Variants in TCOF1 observed in about 807,000 individuals in gnomAD.
TCOF1 encodes treacle ribosome biogenesis factor 1.
TCOF1 carries 33 observed loss-of-function variants against 149.0 expected under a neutral mutation model. The ratio of observed to expected loss-of-function variants is 0.22; its 90% CI spans 0.17 to 0.30. The LOEUF is 0.30. TCOF1 is among the 10% of genes least tolerant of loss of function. The pLI, the probability that TCOF1 is intolerant of heterozygous loss-of-function variation, is 1.00. For synonymous variants in TCOF1, 789 were observed against 738.8 expected, an observed-to-expected ratio of 1.07 and a Z score of -1.10; for missense variants, 1,728 against 1,840.7, an observed-to-expected ratio of 0.94 and a Z score of 1.12.
chr5:150,379,145 C>G, intron 15 of TCOF1, 84 bp from the exon 16 acceptor site: 2 of 1,613,842 alleles, frequency 1.2e-6, no homozygotes, highest in African/African-American at 1.3e-5. Context: ...GGCAGGCCAC[C>G]CACCCAGAGT....
Position 150,375,182 on chromosome 5 carries a change from C to T in TCOF1, c.1488+19C>T. 1 of 1,612,998 alleles carries T rather than the reference C, an allele frequency of 6.2e-7. No individual in the cohort carries two copies. The highest frequency in any genetic ancestry group is 8.5e-7 in the Non-Finnish European group (1 of 1,179,536). Reference sequence around the variant, plus strand: ...AGCTCAGGTGAGGCTGGAAGCCGCCCTGCATGGCCTGTGCCCTGCCTCAAA... The same window carrying T: ...AGCTCAGGTGAGGCTGGAAGCCGCCTTGCATGGCCTGTGCCCTGCCTCAAA... On this transcript the variant is annotated intron_variant, in intron 10 of 26. Coordinates refer to ENST00000643257, the MANE Select transcript of TCOF1 (RefSeq NM_001371623.1).
chr5:150,397,475 C>T (rs575605021), intron 24 of TCOF1, among the ~76,000 whole-genome samples: 1 of 152,250 alleles, frequency 6.6e-6, no homozygotes, highest in East Asian at 1.9e-4. Context: ...TTCTAGACTC[C>T]GCATGCAGCA....
rs1252666667 is a variant in TCOF1 at position 150,398,434 on chromosome 5, A to G, written c.4426A>G (p.Lys1476Glu). The part of the protein sequence containing the change: ...STKDSESPSQ[K>E]KKKKKKKTAE... The stretch of plus-strand genomic sequence containing the variant: ...CAAAGATTCTGAGTCACCGTCCCAG[A>G]AGAAAAAGAAGAAAAAGGTAGAGAG... The change falls in exon 25 of 27, where the codon AAG (lysine) becomes GAG (glutamate). Residue 1476 changes from lysine (K) to glutamate (E), a missense_variant. Lys to Glu is a moderately conservative substitution (Grantham distance 56, BLOSUM62 1). This residue lies in a region of TCOF1 where 1,696 missense variants were observed against 1,765.4 expected (regional missense o/e 0.96). Coordinates refer to ENST00000643257, the MANE Select transcript of TCOF1 (RefSeq NM_001371623.1). The G allele has an allele frequency of 1.2e-6, 2 of 1,614,026 alleles. No individual in the cohort carries two copies. Among genetic ancestry groups the G allele is most frequent in the South Asian group, 1.1e-5 (1 of 91,086 alleles).
At chr5:150,385,162 A>C in intron 17 of TCOF1, 1 of 893,648 alleles carries the variant, frequency 1.1e-6, no homozygotes, top group Non-Finnish European at 1.3e-6. Flanking sequence ...ATGCAGTTTC[A>C]CTTGTCGGTA....
At position 150,396,561 on chromosome 5, in the gene TCOF1, C is replaced by G; in HGVS notation, c.4064C>G (p.Pro1355Arg). ...SRKRKLSGDQ[P>R]AARTPRSKKK... Reference sequence around the variant, plus strand: ...AAGCGGAAGCTATCGGGAGACCAGCCAGCTGCCAGGACCCCCAGGAGCAAG... The same window carrying G: ...AAGCGGAAGCTATCGGGAGACCAGCGAGCTGCCAGGACCCCCAGGAGCAAG... Residue 1355 changes from proline to arginine, a missense_variant, in exon 24 of 27, where the codon CCA becomes CGA. Coordinates refer to ENST00000643257, the MANE Select transcript of TCOF1 (RefSeq NM_001371623.1). 4 of 1,585,832 alleles carry G rather than the reference C, an allele frequency of 2.5e-6. No individual in the cohort carries two copies. The highest frequency in any genetic ancestry group is 3.4e-6 in the Non-Finnish European group (4 of 1,166,080).
rs1767603574 is a variant in TCOF1 at position 150,392,284 on chromosome 5, C to A, written c.3517+108C>A. The A allele has an allele frequency of 5.1e-6, 6 of 1,168,084 alleles. No homozygotes were observed. In the Admixed American group the frequency reaches 9.9e-5, roughly 19 times the overall value. 72.4% of individuals were successfully genotyped at this position (1,168,084 alleles called of 1,614,324 possible). A position where few individuals can be genotyped will look rare whatever the true frequency, so the allele number is the denominator to read the frequency against. On this transcript the variant is annotated intron_variant, in intron 21 of 26. Transcript: ENST00000643257. ...TCCATATCTCAGACTCATTCTGCACCTGTGGCTGAGCCTGGGCCTCAGTTT... is the reference window on the plus strand; with the variant it reads ...TCCATATCTCAGACTCATTCTGCACATGTGGCTGAGCCTGGGCCTCAGTTT...
Position 150,379,822 on chromosome 5 carries a change from A to T in TCOF1, c.2859+90A>T, listed in dbSNP as rs998691328. On this transcript the variant is annotated intron_variant, in intron 17 of 26. Transcript: ENST00000643257. ...CGTGGTGGCTCACACCTGTAATCCTAGCACTTTGGGAGGCCGAGGCAGATG... is the reference window on the plus strand; with the variant it reads ...CGTGGTGGCTCACACCTGTAATCCTTGCACTTTGGGAGGCCGAGGCAGATG... 1.6e-5 allele frequency: 24 copies of T among 1,510,206 alleles called. No individual in the cohort carries two copies. In the African/African-American group the frequency reaches 3.3e-4, roughly 21 times the overall value. The allele number at this position is 1,510,206 out of a possible 1,614,324, so 93.6% of individuals were successfully genotyped here. A position where few individuals can be genotyped will look rare whatever the true frequency, so the allele number is the denominator to read the frequency against.
At chr5:150,388,192 G>A in intron 18 of TCOF1, 104 bp downstream of exon 18, 2 of 1,497,166 alleles carry the variant, frequency 1.3e-6, no homozygotes, top group Non-Finnish European at 1.8e-6. Flanking sequence ...CAAGGTGTTG[G>A]TCGGGAGGGG....
rs1353081240 is a variant in TCOF1 at position 150,357,729 on chromosome 5, C to A, written c.-18C>A. ...AAGGCGGGGCGTGCAGGTAGCCGGC[C>A]GGCCGGGGGTCGCGGGTATGGCCGA... On this transcript the variant is annotated 5_prime_UTR_variant, in exon 1 of 27. Coordinates refer to ENST00000643257, the MANE Select transcript of TCOF1 (RefSeq NM_001371623.1). 2.6e-6 allele frequency: 4 copies of A among 1,545,744 alleles called. No homozygotes were observed. Among genetic ancestry groups the A allele is most frequent in the Non-Finnish European group, 3.5e-6 (4 of 1,145,164 alleles).
At chr5:150,371,445 C>T (rs1762500326) in intron 6 of TCOF1, among the ~76,000 whole-genome samples, 1 of 152,198 alleles carries the variant, frequency 6.6e-6, no homozygotes, top group Non-Finnish European at 1.5e-5. Flanking sequence ...GCCCCAGAAA[C>T]CCAGGGCCGC....
Position 150,368,718 on chromosome 5 carries a change from A to G in TCOF1, c.381A>G (p.Ala127=), listed in dbSNP as rs1298166614. The change falls in exon 5 of 27, where the codon GCA becomes GCG. Residue 127 remains alanine (A), a splice_region_variant and synonymous_variant. Coordinates refer to ENST00000643257, the MANE Select transcript of TCOF1 (RefSeq NM_001371623.1). The stretch of plus-strand genomic sequence containing the variant: ...TCTGTCACTCTTGTTCTCTGTAGGC[A>G]GAGACAGAGAAAGCTGGCAAGACTG... The part of the protein sequence containing the change: ...LPSSMKEKAK[A]ETEKAGKTGN... 12 of 1,613,876 alleles carry G rather than the reference A, an allele frequency of 7.4e-6. No homozygotes were observed. The highest frequency in any genetic ancestry group is 1.0e-5 in the Non-Finnish European group (12 of 1,179,990).
chr5:150,392,083 A>C lies in TCOF1; in HGVS notation c.3424A>C (p.Ser1142Arg). Reference protein sequence around the residue: ...EVQQATKAPESSDDSEDSSDS... With the variant: ...EVQQATKAPERSDDSEDSSDS... ...CCAGCAGGCCACCAAAGCCCCTGAGAGCTCAGATGACAGTGAGGACAGCAG... is the reference window on the plus strand; with the variant it reads ...CCAGCAGGCCACCAAAGCCCCTGAGCGCTCAGATGACAGTGAGGACAGCAG... The change falls in exon 21 of 27, where the codon AGC becomes CGC. Residue 1142 changes from serine (S) to arginine (R), a missense_variant. Physicochemically the swap from Ser to Arg is moderately radical, Grantham distance 110. This residue lies in a region of TCOF1 where 1,696 missense variants were observed against 1,765.4 expected (regional missense o/e 0.96). Transcript: ENST00000643257. 1 of 1,614,218 alleles carries C rather than the reference A, an allele frequency of 6.2e-7. No individual in the cohort carries two copies. The highest frequency in any genetic ancestry group is 1.1e-5 in the South Asian group (1 of 91,082).
intron 14 of TCOF1, chr5:150,378,661 G>A (rs374757309): frequency 8.9e-6 from 5 of 559,046 alleles, no homozygotes; most frequent in South Asian, 6.0e-5. Flanking sequence ...CAGACATCAT[G>A]TTAAACTCTG....
At chr5:150,393,322 T>C in intron 22 of TCOF1, 50 bp from the exon 23 acceptor site, 1 of 1,612,232 alleles carries the variant, frequency 6.2e-7, no homozygotes, top group East Asian at 2.2e-5. Context: ...GGCTGGGTTA[T>C]GGCAGTGGGG....
chr5:150,390,453 G>T lies in TCOF1; in HGVS notation c.3183+430G>T, dbSNP rs553820669. Among the ~76,000 whole-genome samples, 14 of 152,266 alleles carry T rather than the reference G, an allele frequency of 9.2e-5. No homozygotes were observed. The South Asian group carries it at 2.9e-3, about 32-fold the overall frequency. ...GAATCTAAAAGCTGGGCATTTTAGGGTTAATGGCTGGTGCATTGTTTAGAT... is the reference window on the plus strand; with the variant it reads ...GAATCTAAAAGCTGGGCATTTTAGGTTTAATGGCTGGTGCATTGTTTAGAT... On this transcript the variant is annotated intron_variant, in intron 19 of 26. Coordinates refer to ENST00000643257, the MANE Select transcript of TCOF1 (RefSeq NM_001371623.1).
intron 26 of TCOF1, among the ~76,000 whole-genome samples, chr5:150,399,561 G>A (rs1769350697): frequency 6.6e-6 from 1 of 151,954 alleles, no homozygotes; most frequent in Admixed American, 6.6e-5. Flanking sequence ...GGCTCTGCTG[G>A]CCCTGTGGTC....
chr5:150,388,040 G>C lies in TCOF1; in HGVS notation c.2998G>C (p.Glu1000Gln). Residue 1000 changes from glutamate (E) to glutamine (Q), a missense_variant, in exon 18 of 27, where the codon GAG becomes CAG. This residue lies in a region of TCOF1 where 1,696 missense variants were observed against 1,765.4 expected (regional missense o/e 0.96). Transcript: ENST00000643257. ...SESTARSSSS[E>Q]SEDEDVIPAT... ...GAGCACAGCCAGGAGCTCCTCCTCC[G>C]AGAGCGAGGATGAGGACGTGATCCC... is the stretch of plus-strand genomic sequence containing the variant. 2 of 1,613,736 alleles carry C rather than the reference G, an allele frequency of 1.2e-6. No homozygotes were observed. Among genetic ancestry groups the C allele is most frequent in the South Asian group, 2.2e-5 (2 of 91,054 alleles).
chr5:150,367,237 G>C (rs535000477), intron 3 of TCOF1, among the ~76,000 whole-genome samples: 5 of 152,124 alleles, frequency 3.3e-5, no homozygotes, highest in Non-Finnish European at 5.9e-5. Context: ...CCCAGGAGGC[G>C]GAGCTTGCAG....
rs144780579 is a variant in TCOF1 at position 150,387,059 on chromosome 5, C to T, written c.2860-843C>T. ...GCAAACCCTCCACTCAGTTCCCCAA[C>T]GCCCCTGGATTACTTTGCAGCCAGT... On this transcript the variant is annotated intron_variant, in intron 17 of 26. Coordinates refer to ENST00000643257, the MANE Select transcript of TCOF1 (RefSeq NM_001371623.1). Among the ~76,000 whole-genome samples, 1,280 of 152,364 alleles carry T rather than the reference C, an allele frequency of 8.4e-3. 7 individuals carry two copies. Among genetic ancestry groups the T allele is most frequent in the Non-Finnish European group, 0.012 (822 of 68,034 alleles).
Sources: gnomAD v4.1 joint callset for allele counts (sites outside exome capture counted in the v4.1 genomes callset) on GRCh38, gnomAD v4.1.1 for gene constraint, gnomAD v4.1.1 regional missense constraint, MANE v1.5 for transcripts, NCBI Gene and HGNC (gene_info 2026-07-23, HGNC 2026-07-21) for gene names.